Variants in FAM20B observed in about 807,000 individuals in gnomAD.
The protein encoded by FAM20B is glycosaminoglycan xylosylkinase.
FAM20B carries 23 observed loss-of-function variants against 43.8 expected under a neutral mutation model. That is an observed-to-expected ratio of 0.53 (90% CI 0.38 to 0.74). The LOEUF (loss-of-function observed/expected upper bound fraction) is 0.74, where lower values mean the gene tolerates loss of function less well. Ranked by LOEUF, FAM20B falls within the 30% of genes least tolerant of loss-of-function variation. The probability of loss-of-function intolerance (pLI) is 0.00; values close to 1 mark genes in which losing one functional copy is unlikely to be tolerated. For missense variants in FAM20B, 440 were observed against 510.5 expected, an observed-to-expected ratio of 0.86 and a Z score of 1.33; for synonymous variants, 178 against 192.4, an observed-to-expected ratio of 0.93 and a Z score of 0.62.
At position 179,046,995 on chromosome 1, in the gene FAM20B, CAAAAA is replaced by C. The variant is rs1025319548; in HGVS notation, c.377+2776_377+2780del. Among the ~76,000 whole-genome samples the C allele has an allele frequency of 2.0e-5, 3 of 150,382 alleles. No homozygotes were observed. In the East Asian group the frequency reaches 5.8e-4, roughly 29 times the overall value. ...GGGCAACAGGAGCGAAACTCCGTCT[CAAAAA>C]AAAAGAGATCCTCATCACACCTACC... On this transcript the variant is annotated intron_variant, in intron 2 of 7. Transcript: ENST00000263733.
chr1:179,036,033 G>A (rs1650214034), intron 1 of FAM20B, among the ~76,000 whole-genome samples: 1 of 152,176 alleles, frequency 6.6e-6, no homozygotes, highest in Admixed American at 6.5e-5. Flanking sequence ...GGGAGGCTGA[G>A]GCAGGACAAT....
intron 4 of FAM20B, among the ~76,000 whole-genome samples, chr1:179,057,135 G>A (rs558431940): frequency 1.4e-4 from 22 of 151,998 alleles, no homozygotes; most frequent in Non-Finnish European, 2.6e-4. Context: ...ACTTGAGGGC[G>A]GGAGTTCGAG....
At chr1:179,064,123 T>G in intron 5 of FAM20B, 25 bp downstream of exon 5, 1 of 1,586,828 alleles carries the variant, frequency 6.3e-7, no homozygotes, top group South Asian at 1.1e-5. Flanking sequence ...GAGCCATTAC[T>G]TAATTCTCCC....
chr1:179,050,670 G>T (rs1343165209), intron 3 of FAM20B, among the ~76,000 whole-genome samples: 1 of 152,132 alleles, frequency 6.6e-6, no homozygotes, highest in African/African-American at 2.4e-5. Flanking sequence ...GAATTGAACT[G>T]GTCGTTAATT....
the FAM20B span, among the ~76,000 whole-genome samples, chr1:179,020,380 C>G: frequency 1.3e-5 from 2 of 152,200 alleles, no homozygotes; most frequent in South Asian, 2.1e-4. Flanking sequence ...CACCAAGGGG[C>G]AGCATCTGGA....
rs1055329814 is a variant in FAM20B at position 179,038,882 on chromosome 1, T to C, written c.-133-4833T>C. 4.6e-5 allele frequency among the ~76,000 whole-genome samples: 7 copies of C among 152,350 alleles called. 1 individual carries two copies. In the South Asian group the frequency reaches 8.3e-4, roughly 18 times the overall value. Reference sequence around the variant, plus strand: ...GCAGGGAATAATTAGAATTTGAAATTAACTCTCACTTTCTGCTTCCTTCAT... The same window carrying C: ...GCAGGGAATAATTAGAATTTGAAATCAACTCTCACTTTCTGCTTCCTTCAT... On this transcript the variant is annotated intron_variant, in intron 1 of 7. Transcript: ENST00000263733.
At chr1:179,048,941 T>C (rs1346744951) in intron 2 of FAM20B, among the ~76,000 whole-genome samples, 2 of 152,222 alleles carry the variant, frequency 1.3e-5, no homozygotes, top group Non-Finnish European at 2.9e-5. Flanking sequence ...TGTTTTAGCA[T>C]GAGAGAGCCA....
chr1:179,037,268 C>T lies in FAM20B; in HGVS notation c.-133-6447C>T, dbSNP rs558535166. 5.3e-5 allele frequency among the ~76,000 whole-genome samples: 8 copies of T among 152,100 alleles called. No individual in the cohort carries two copies. The South Asian group carries it at 8.3e-4, about 16-fold the overall frequency. ...AGTTGGTGGCTGTGGAAATGAAAGA[C>T]GGCTGTAAAGAACAATGACAAATTG... On this transcript the variant is annotated intron_variant, in intron 1 of 7. Coordinates refer to ENST00000263733, the MANE Select transcript of FAM20B (RefSeq NM_014864.4).
At chr1:179,066,589 ATTTG>A (rs1446355263) in intron 6 of FAM20B, among the ~76,000 whole-genome samples, 2 of 152,032 alleles carry the variant, frequency 1.3e-5, no homozygotes, top group African/African-American at 4.8e-5. Context: ...AAATGAGTAT[ATTTG>A]TTGTCAGATA....
At chr1:179,068,947 G>A (rs1472923341) in intron 7 of FAM20B, among the ~76,000 whole-genome samples, 2 of 152,200 alleles carry the variant, frequency 1.3e-5, no homozygotes, top group Non-Finnish European at 2.9e-5. Flanking sequence ...CAGAGTGCAG[G>A]TGGGGTGTAC....
chr1:179,027,540 G>C (rs979531762), intron 1 of FAM20B, among the ~76,000 whole-genome samples: 1 of 152,108 alleles, frequency 6.6e-6, no homozygotes, highest in East Asian at 1.9e-4. Context: ...TTGGCCTCTC[G>C]AACCGTACAA....
intron 6 of FAM20B, 123 bp downstream of exon 6, chr1:179,064,619 C>A: frequency 1.4e-6 from 1 of 738,120 alleles, no homozygotes; most frequent in Non-Finnish European, 2.2e-6. Context: ...CTTTTTTCCA[C>A]TTGGAGTCTT....
At position 179,052,448 on chromosome 1, in the gene FAM20B, A is replaced by C. The variant is rs2102508387; in HGVS notation, c.465-2081A>C. Among the ~76,000 whole-genome samples, 3 of 152,328 alleles carry C rather than the reference A, an allele frequency of 2.0e-5. No homozygotes were observed. The South Asian group carries it at 6.2e-4, about 32-fold the overall frequency. On this transcript the variant is annotated intron_variant, in intron 3 of 7. Coordinates refer to ENST00000263733, the MANE Select transcript of FAM20B (RefSeq NM_014864.4). ...TGCTTATGGCATTGTTAATTGTTTC[A>C]GTCTTTTTGTTAAGAACCCTAGCAT...
intron 3 of FAM20B, among the ~76,000 whole-genome samples, chr1:179,053,294 C>A (rs1171533392): frequency 6.6e-6 from 1 of 152,040 alleles, no homozygotes; most frequent in Non-Finnish European, 1.5e-5. Context: ...AAAAATACTT[C>A]CCAATCTAGG....
At chr1:179,033,019 TTAA>T (rs910655285) in intron 1 of FAM20B, among the ~76,000 whole-genome samples, 2 of 152,260 alleles carry the variant, frequency 1.3e-5, no homozygotes, top group African/African-American at 4.8e-5. Context: ...CTCATAACAG[TTAA>T]TAATAATATG....
At chr1:179,060,699 C>T (rs559871640) in intron 4 of FAM20B, among the ~76,000 whole-genome samples, 2 of 152,206 alleles carry the variant, frequency 1.3e-5, no homozygotes, top group South Asian at 4.1e-4. Context: ...GGTTGGGGAC[C>T]ACCCATATAT....
the FAM20B span, among the ~76,000 whole-genome samples, chr1:179,018,784 T>C: frequency 1.3e-5 from 2 of 152,220 alleles, no homozygotes; most frequent in African/African-American, 4.8e-5. Flanking sequence ...ATAGGATCTA[T>C]GTATACATAT....
At chr1:179,027,903 C>A (rs967063290) in intron 1 of FAM20B, among the ~76,000 whole-genome samples, 2 of 152,090 alleles carry the variant, frequency 1.3e-5, no homozygotes, top group Non-Finnish European at 2.9e-5. Context: ...TTTTTATAAT[C>A]TTTTATATCA....
chr1:179,061,597 C>G (rs921034333), intron 4 of FAM20B, among the ~76,000 whole-genome samples: 1 of 151,948 alleles, frequency 6.6e-6, no homozygotes, highest in Non-Finnish European at 1.5e-5. Flanking sequence ...TTTATAGAGA[C>G]AAGGTTTCAT....
Sources: gnomAD v4.1 joint callset for allele counts (sites outside exome capture counted in the v4.1 genomes callset) on GRCh38, gnomAD v4.1.1 for gene constraint, MANE v1.5 for transcripts, NCBI Gene and HGNC (gene_info 2026-07-23, HGNC 2026-07-21) for gene names.